Variants in NOSTRIN observed in about 807,000 individuals in gnomAD.
The protein encoded by NOSTRIN is nitric oxide synthase trafficking.
A neutral mutation model predicts 59.0 loss-of-function variants in NOSTRIN; 63 were observed. The ratio of observed to expected loss-of-function variants is 1.07; its 90% CI spans 0.87 to 1.32. The LOEUF (loss-of-function observed/expected upper bound fraction) is 1.32. Among genes scored for constraint, NOSTRIN ranks in the 40% most tolerant of loss-of-function variants. NOSTRIN has a pLI of 0.00. For missense variants in NOSTRIN, 512 were observed against 473.1 expected, an observed-to-expected ratio of 1.08 and a Z score of -0.76; for synonymous variants, 200 against 165.4, an observed-to-expected ratio of 1.21 and a Z score of -1.61.
At chr2:168,830,879 G>GTATCAATCA (rs1687322956) in intron 5 of NOSTRIN, among the ~76,000 whole-genome samples, 1 of 151,954 alleles carries the variant, frequency 6.6e-6, no homozygotes, top group Non-Finnish European at 1.5e-5. Context: ...CTCATGCAAG[G>GTATCAATCA]GCCTGTTACA....
At chr2:168,840,985 G>A (rs377109673) in intron 7 of NOSTRIN, among the ~76,000 whole-genome samples, 1 of 152,118 alleles carries the variant, frequency 6.6e-6, no homozygotes, top group African/African-American at 2.4e-5. Context: ...GGGTGCGATG[G>A]CCCACACTCA....
At chr2:168,846,924 A>G (rs1414228031) in intron 8 of NOSTRIN, among the ~76,000 whole-genome samples, 2 of 152,206 alleles carry the variant, frequency 1.3e-5, no homozygotes, top group Non-Finnish European at 2.9e-5. Context: ...GTAGGGCTTC[A>G]TTCTTTCCTA....
At chr2:168,862,165 C>A in intron 15 of NOSTRIN, 116 bp downstream of exon 15, 3 of 847,906 alleles carry the variant, frequency 3.5e-6, no homozygotes, top group Non-Finnish European at 3.8e-6. Context: ...AATCAGTTCA[C>A]CCTTCTTGAA....
At chr2:168,862,373 A>G (rs912813844) in intron 15 of NOSTRIN, among the ~76,000 whole-genome samples, 7 of 151,804 alleles carry the variant, frequency 4.6e-5, no homozygotes, top group African/African-American at 1.7e-4. Context: ...CTAATGTCAC[A>G]GGCTGTGGCA....
At chr2:168,844,733 G>T (rs183513634) in intron 8 of NOSTRIN, among the ~76,000 whole-genome samples, 2 of 152,156 alleles carry the variant, frequency 1.3e-5, no homozygotes, top group Non-Finnish European at 2.9e-5. Flanking sequence ...AGCCGCGCGT[G>T]GTGGCGGGCG....
At position 168,865,076 on chromosome 2, in the gene NOSTRIN, G is replaced by C; in HGVS notation, c.*106G>C. On this transcript the variant is annotated 3_prime_UTR_variant, in exon 16 of 16. Transcript: ENST00000317647. ...CTTTACATGTTTTTCTTTTGAAATG[G>C]ATGGAGTTCTACCTGCATGTCACAG... The C allele has an allele frequency of 8.0e-7, 1 of 1,247,008 alleles. No individual in the cohort carries two copies. Among genetic ancestry groups the C allele is most frequent in the Non-Finnish European group, 1.1e-6 (1 of 896,514 alleles). 77.2% of individuals were successfully genotyped at this position (1,247,008 alleles called of 1,614,324 possible). A position where few individuals can be genotyped will look rare whatever the true frequency, so the allele number is the denominator to read the frequency against.
intron 7 of NOSTRIN, among the ~76,000 whole-genome samples, chr2:168,835,642 C>T (rs1687674627): frequency 6.6e-6 from 1 of 152,028 alleles, no homozygotes; most frequent in African/African-American, 2.4e-5. Context: ...ATCACATGGC[C>T]CAGGTATATG....
At chr2:168,853,143 G>A (rs969160440) in intron 10 of NOSTRIN, among the ~76,000 whole-genome samples, 2 of 152,158 alleles carry the variant, frequency 1.3e-5, no homozygotes, top group African/African-American at 4.8e-5. Context: ...AAACTTCACT[G>A]TGTCAGAACT....
chr2:168,810,058 G>A (rs1438622296), intron 1 of NOSTRIN, among the ~76,000 whole-genome samples: 1 of 152,122 alleles, frequency 6.6e-6, no homozygotes, highest in East Asian at 1.9e-4. Flanking sequence ...CACATTCCAG[G>A]TGGCAGTGAT....
chr2:168,863,768 C>T (rs1019611983), intron 15 of NOSTRIN: 1 of 513,408 alleles, frequency 1.9e-6, no homozygotes, highest in African/African-American at 2.1e-5. Flanking sequence ...CTTATAGCAG[C>T]CAACACGCCA....
chr2:168,824,771 TG>T, intron 3 of NOSTRIN, 54 bp downstream of exon 3: 1 of 774,052 alleles, frequency 1.3e-6, no homozygotes, highest in Non-Finnish European at 2.3e-6. Flanking sequence ...ATTTGTTTTT[TG>T]TTTGTTTGTT....
intron 10 of NOSTRIN, among the ~76,000 whole-genome samples, chr2:168,851,747 G>A (rs1000319926): frequency 1.3e-5 from 2 of 152,250 alleles, no homozygotes; most frequent in Admixed American, 6.5e-5. Context: ...AAATTGCTGT[G>A]CAACAAATTA....
chr2:168,821,407 A>G (rs2105596084), intron 2 of NOSTRIN, among the ~76,000 whole-genome samples: 1 of 151,824 alleles, frequency 6.6e-6, no homozygotes, highest in East Asian at 1.9e-4. Context: ...AATTCCAACC[A>G]AGACCTGGTG....
At chr2:168,802,614 A>G (rs780431686), upstream of NOSTRIN, 48 of 865,856 alleles carry the variant, frequency 5.5e-5, no homozygotes, top group Non-Finnish European at 9.4e-5. Flanking sequence ...GCTGGAGCGT[A>G]GGTGAAAGGA....
At chr2:168,849,017 T>G (rs1474128428) in intron 8 of NOSTRIN, among the ~76,000 whole-genome samples, 2 of 152,090 alleles carry the variant, frequency 1.3e-5, no homozygotes. Context: ...ATAGATGAAT[T>G]AACAACACAG....
chr2:168,828,290 A>C (rs1687164922), intron 4 of NOSTRIN, 70 bp downstream of exon 4: 1 of 871,316 alleles, frequency 1.1e-6, no homozygotes, highest in South Asian at 1.3e-5. Flanking sequence ...GTTTGCTACA[A>C]ATATTCCACT....
chr2:168,864,870 G>T lies in NOSTRIN; in HGVS notation c.1421G>T (p.Gly474Val). 1 of 1,613,756 alleles carries T rather than the reference G, an allele frequency of 6.2e-7. No homozygotes were observed. The highest frequency in any genetic ancestry group is 8.5e-7 in the Non-Finnish European group (1 of 1,179,816). Reference sequence around the variant, plus strand: ...ATTATACACGAGAAAAAAGAAGGAGGATGGTGGTTTGGATCTTTGAATGGG... The same window carrying T: ...ATTATACACGAGAAAAAAGAAGGAGTATGGTGGTTTGGATCTTTGAATGGG... ...IVIIHEKKEG[G>V]WWFGSLNGKK... The change falls in exon 16 of 16, where the codon GGA (glycine) becomes GTA (valine). Residue 474 changes from glycine (G) to valine (V), a missense_variant. Coordinates refer to ENST00000317647, the MANE Select transcript of NOSTRIN (RefSeq NM_001039724.4).
chr2:168,799,931 T>A (rs985073077), upstream of NOSTRIN, among the ~76,000 whole-genome samples: 1 of 152,242 alleles, frequency 6.6e-6, no homozygotes, highest in Non-Finnish European at 1.5e-5. Flanking sequence ...CCTCCTATTA[T>A]GAAGTGGAAG....
chr2:168,852,483 T>C (rs1452381442), intron 10 of NOSTRIN, among the ~76,000 whole-genome samples: 1 of 152,196 alleles, frequency 6.6e-6, no homozygotes, highest in Non-Finnish European at 1.5e-5. Flanking sequence ...TTCTAGGAAC[T>C]GATTATTAAT....
Sources: allele counts gnomAD v4.1 joint callset (sites outside exome capture counted in the v4.1 genomes callset), GRCh38; gene constraint gnomAD v4.1.1; transcripts MANE v1.5; gene names NCBI Gene and HGNC (gene_info 2026-07-23, HGNC 2026-07-21).